PREX2: variants seen among roughly 807,000 people sequenced by gnomAD.
PREX2 encodes the protein phosphatidylinositol 3,4,5-trisphosphate-dependent Rac exchanger 2 protein.
Under a neutral mutation model 203.2 loss-of-function variants are expected in PREX2, and 107 were observed. The ratio of observed to expected loss-of-function variants is 0.53; its 90% CI spans 0.45 to 0.62. The LOEUF is 0.62. Among genes scored for constraint, PREX2 ranks in the 20% least tolerant of loss-of-function variants. PREX2 has a pLI of 0.00. For synonymous variants in PREX2, 672 were observed against 663.6 expected (o/e 1.01, Z -0.19); for missense variants, 1,777 against 1,955.9 (o/e 0.91, Z 1.72).
intron 35 of PREX2, among the ~76,000 whole-genome samples, chr8:68,191,044 T>C (rs1363842789): frequency 1.3e-5 from 2 of 152,128 alleles, no homozygotes; most frequent in African/African-American, 4.8e-5. Flanking sequence ...AATGAGATCA[T>C]ATCCTTTGCA....
intron 8 of PREX2, among the ~76,000 whole-genome samples, chr8:68,052,028 G>T (rs1808539598): frequency 6.6e-6 from 1 of 152,088 alleles, no homozygotes. Context: ...ACCAGATTTT[G>T]GGAGAATGAG....
At chr8:68,168,336 A>G (rs1811803824) in intron 35 of PREX2, among the ~76,000 whole-genome samples, 1 of 152,230 alleles carries the variant, frequency 6.6e-6, no homozygotes, top group African/African-American at 2.4e-5. Context: ...ATTAAAAAAC[A>G]GAAATGTAAT....
chr8:68,033,926 A>G (rs77404968), intron 6 of PREX2, among the ~76,000 whole-genome samples: 4,861 of 152,282 alleles, frequency 0.032, 251 homozygotes, highest in African/African-American at 0.11. Flanking sequence ...GTTCTTATAA[A>G]TAACAGGTGA....
chr8:68,111,165 T>C, intron 25 of PREX2: 1 of 202,406 alleles, frequency 4.9e-6, no homozygotes, highest in Middle Eastern at 1.8e-3. Context: ...AGGCAATAAA[T>C]AGTGGCATTG....
intron 33 of PREX2, among the ~76,000 whole-genome samples, chr8:68,141,292 A>G (rs568738778): frequency 5.3e-5 from 8 of 152,278 alleles, no homozygotes; most frequent in Admixed American, 4.6e-4. Context: ...GGGTCATTTT[A>G]TAGTAGTTCA....
At chr8:68,055,792 A>G (rs1394529139) in intron 9 of PREX2, 38 bp from the exon 10 acceptor site, 1 of 1,586,982 alleles carries the variant, frequency 6.3e-7, no homozygotes, top group Admixed American at 1.7e-5. Flanking sequence ...GAATGAAGAG[A>G]ATTTTCAGTT....
At chr8:68,134,887 CTG>C (rs1175694465) in intron 32 of PREX2, among the ~76,000 whole-genome samples, 2 of 152,108 alleles carry the variant, frequency 1.3e-5, no homozygotes, top group South Asian at 2.1e-4. Context: ...AAAAATAAAA[CTG>C]TGGTGAACTT....
At chr8:68,119,820 G>C (rs1289988272) in intron 28 of PREX2, among the ~76,000 whole-genome samples, 1 of 151,118 alleles carries the variant, frequency 6.6e-6, no homozygotes, top group East Asian at 1.9e-4. Context: ...GATATTTCTT[G>C]CTCAATATTA....
intron 6 of PREX2, among the ~76,000 whole-genome samples, chr8:68,034,335 T>G (rs187245224): frequency 6.6e-6 from 1 of 152,276 alleles, no homozygotes; most frequent in East Asian, 1.9e-4. Flanking sequence ...GAGTCACTGA[T>G]TCATTTCATA....
At chr8:68,105,094 C>T in intron 23 of PREX2, 1 of 1,351,184 alleles carries the variant, frequency 7.4e-7, no homozygotes, top group South Asian at 1.2e-5. Flanking sequence ...TGTTCTCATG[C>T]ATGAACCACC....
At chr8:68,177,951 C>A (rs1283720194) in intron 35 of PREX2, among the ~76,000 whole-genome samples, 1 of 152,138 alleles carries the variant, frequency 6.6e-6, no homozygotes, top group African/African-American at 2.4e-5. Flanking sequence ...CATCCATGTC[C>A]CTGCAAAGGA....
rs1806043307 is a variant in PREX2 at position 67,975,270 on chromosome 8, CTGTTTT to C, written c.141+22737_141+22742del. Among the ~76,000 whole-genome samples, 2 of 116,238 alleles carry C rather than the reference CTGTTTT, an allele frequency of 1.7e-5. 1 individual carries two copies. The highest frequency in any genetic ancestry group is 3.3e-5 in the Non-Finnish European group (2 of 59,784). The allele number at this position is 116,238 out of a possible 152,430, so 76.3% of individuals were successfully genotyped here. ...CTGGCTGATGTTACCTGCACACGGC[CTGTTTT>C]TTTTTTTTTTTTTTTTTTTTTTTGG... On this transcript the variant is annotated intron_variant, in intron 1 of 39. Transcript: ENST00000288368.
chr8:68,218,705 C>A (rs532291780), intron 38 of PREX2, among the ~76,000 whole-genome samples: 3 of 152,196 alleles, frequency 2.0e-5, no homozygotes, highest in Admixed American at 6.5e-5. Context: ...CAACAAAGCC[C>A]ATGAAAAAGT....
chr8:68,098,974 A>ATATATC (rs1810178979), intron 22 of PREX2, among the ~76,000 whole-genome samples: 1 of 131,676 alleles, frequency 7.6e-6, no homozygotes, highest in African/African-American at 2.8e-5. Flanking sequence ...ATATATATAT[A>ATATATC]TATCTCACAT....
intron 18 of PREX2, among the ~76,000 whole-genome samples, chr8:68,087,306 G>C (rs1809721861): frequency 6.6e-6 from 1 of 152,104 alleles, no homozygotes; most frequent in South Asian, 2.1e-4. Context: ...AGGATCACTT[G>C]AGTTCAGTAA....
chr8:68,141,578 G>T (rs767509256), intron 33 of PREX2, among the ~76,000 whole-genome samples: 1 of 152,040 alleles, frequency 6.6e-6, no homozygotes, highest in Non-Finnish European at 1.5e-5. Context: ...GCCCTTCAAG[G>T]GGTGACTGGT....
rs147913101 is a variant in PREX2, at chr8:68,137,897, A to G, written c.3985-518A>G. ...TGAGGTGAAAATGATTCTTGCTCCC[A>G]AGCTCGTTGGAAGCCAAATAATCAC... is the stretch of plus-strand genomic sequence containing the variant. On this transcript the variant is annotated intron_variant, in intron 32 of 39. Coordinates refer to ENST00000288368, the MANE Select transcript of PREX2 (RefSeq NM_024870.4). Among the ~76,000 whole-genome samples the G allele has an allele frequency of 2.6e-4, 39 of 152,340 alleles. No individual in the cohort carries two copies. The East Asian group carries it at 7.1e-3, about 28-fold the overall frequency.
Position 68,232,149 on chromosome 8 carries a change from C to T in PREX2, c.*771C>T. ...GCTGTGCCATAATGGCCCTGGGGAT[C>T]AGGGAAGTGCCCTGGGGATCAGGGA... On this transcript the variant is annotated 3_prime_UTR_variant, in exon 40 of 40. Transcript: ENST00000288368. 1 of 152,184 alleles carries T rather than the reference C, an allele frequency of 6.6e-6. No individual in the cohort carries two copies. The highest frequency in any genetic ancestry group is 1.5e-5 in the Non-Finnish European group (1 of 68,002). 9.4% of individuals were successfully genotyped at this position (152,184 alleles called of 1,614,324 possible).
At chr8:68,099,479 G>T (rs1236663928) in intron 22 of PREX2, among the ~76,000 whole-genome samples, 1 of 152,172 alleles carries the variant, frequency 6.6e-6, no homozygotes, top group African/African-American at 2.4e-5. Flanking sequence ...TCACTTCACT[G>T]ACAGCGCCTC....
Sources: allele counts gnomAD v4.1 joint callset (sites outside exome capture counted in the v4.1 genomes callset), GRCh38; gene constraint gnomAD v4.1.1; transcripts MANE v1.5; gene names NCBI Gene and HGNC (gene_info 2026-07-23, HGNC 2026-07-21).